Variants in MACROD2 observed in about 807,000 individuals in gnomAD.
MACROD2 encodes mono-ADP ribosylhydrolase 2.
In MACROD2, 36 loss-of-function variants were observed where a neutral mutation model predicts 70.4. The observed-to-expected ratio is 0.51, with a 90% CI of 0.39 to 0.68. The LOEUF (loss-of-function observed/expected upper bound fraction) is 0.68, where lower values mean the gene tolerates loss of function less well. MACROD2 is among the 30% of genes least tolerant of loss of function. MACROD2 has a pLI of 0.00. For missense variants in MACROD2, 496 were observed against 538.4 expected, an observed-to-expected ratio of 0.92 and a Z score of 0.78; for synonymous variants, 172 against 178.8, an observed-to-expected ratio of 0.96 and a Z score of 0.30.
intron 3 of MACROD2, among the ~76,000 whole-genome samples, chr20:14,446,599 T>G (rs1392218240): frequency 6.6e-6 from 1 of 152,110 alleles, no homozygotes; most frequent in African/African-American, 2.4e-5. Context: ...CTCCAATTCT[T>G]AACCAGAATG....
chr20:15,929,919 G>A (rs79320623), intron 10 of MACROD2, among the ~76,000 whole-genome samples: 209 of 152,292 alleles, frequency 1.4e-3, no homozygotes, highest in African/African-American at 4.9e-3. Context: ...GGAGAAATTA[G>A]AAGGACACAA....
In MACROD2 at chr20:15,788,161, C is replaced by T. The variant is rs190766867; in HGVS notation, c.646-74584C>T. Among the ~76,000 whole-genome samples, 916 of 151,036 alleles carry T rather than the reference C, an allele frequency of 6.1e-3. 5 individuals carry two copies. The highest frequency in any genetic ancestry group is 9.8e-3 in the Non-Finnish European group (665 of 67,818). ...GTAAAGTCACTGGAATCATCGATTCCATTTAGATTCCAGTAGCTTAGACAA... is the reference window on the plus strand; with the variant it reads ...GTAAAGTCACTGGAATCATCGATTCTATTTAGATTCCAGTAGCTTAGACAA... On this transcript the variant is annotated intron_variant, in intron 8 of 17. Coordinates refer to ENST00000684519, the MANE Select transcript of MACROD2 (RefSeq NM_001351661.2).
At chr20:15,244,584 C>G (rs570320209) in intron 6 of MACROD2, among the ~76,000 whole-genome samples, 5 of 152,120 alleles carry the variant, frequency 3.3e-5, no homozygotes, top group Non-Finnish European at 7.4e-5. Context: ...ACACTTCTTT[C>G]CCTCTCACTA....
At position 15,160,877 on chromosome 20, in the gene MACROD2, A is replaced by G. The variant is rs997021017; in HGVS notation, c.419-69063A>G. On this transcript the variant is annotated intron_variant, in intron 5 of 17. Coordinates refer to ENST00000684519, the MANE Select transcript of MACROD2 (RefSeq NM_001351661.2). ...ATTTGAGCAGATGATAGCTAATTCCATGTGCCCAGAACCTATCTTTGTAAA... is the reference window on the plus strand; with the variant it reads ...ATTTGAGCAGATGATAGCTAATTCCGTGTGCCCAGAACCTATCTTTGTAAA... 4.6e-5 allele frequency among the ~76,000 whole-genome samples: 7 copies of G among 152,248 alleles called. No homozygotes were observed. The South Asian group carries it at 1.0e-3, about 23-fold the overall frequency.
intron 3 of MACROD2, among the ~76,000 whole-genome samples, chr20:14,247,912 A>T (rs1388131828): frequency 1.3e-5 from 2 of 151,738 alleles, no homozygotes; most frequent in African/African-American, 4.9e-5. Context: ...TTTCTTACCT[A>T]AAAAAAATGC....
chr20:16,011,322 A>G (rs543816160), intron 15 of MACROD2, among the ~76,000 whole-genome samples: 1 of 152,356 alleles, frequency 6.6e-6, no homozygotes, highest in African/African-American at 2.4e-5. Context: ...CCACTGTTCT[A>G]GAATGAGCCA....
intron 4 of MACROD2, among the ~76,000 whole-genome samples, chr20:14,598,413 G>C (rs1016177964): frequency 5.3e-5 from 8 of 151,912 alleles, no homozygotes; most frequent in African/African-American, 1.9e-4. Context: ...ATTATTTCAG[G>C]AGAGTTGAAT....
intron 5 of MACROD2, among the ~76,000 whole-genome samples, chr20:14,937,478 A>G (rs777303369): frequency 6.6e-6 from 1 of 152,174 alleles, no homozygotes; most frequent in Non-Finnish European, 1.5e-5. Flanking sequence ...ACAAAGACTT[A>G]TCTTATCACA....
At chr20:14,230,644 T>C (rs1437741294) in intron 3 of MACROD2, among the ~76,000 whole-genome samples, 9 of 67,644 alleles carry the variant, frequency 1.3e-4, no homozygotes, top group East Asian at 6.7e-4. Flanking sequence ...TATATATATA[T>C]ATATATATAT....
chr20:14,191,451 T>G (rs79230095), intron 3 of MACROD2, among the ~76,000 whole-genome samples: 1,936 of 152,284 alleles, frequency 0.013, 16 homozygotes, highest in South Asian at 0.036. Flanking sequence ...ATTCAATAAA[T>G]ATTTAAGTAG....
intron 6 of MACROD2, among the ~76,000 whole-genome samples, chr20:15,307,608 G>T (rs183002724): frequency 1.0e-3 from 155 of 152,146 alleles, no homozygotes; most frequent in African/African-American, 3.6e-3. Context: ...ATATTTCACT[G>T]TATATTAAGA....
chr20:16,002,593 C>T (rs781188360), intron 15 of MACROD2, among the ~76,000 whole-genome samples: 1 of 151,900 alleles, frequency 6.6e-6, no homozygotes, highest in East Asian at 1.9e-4. Context: ...AGGAAGGAGG[C>T]GATGAAACAA....
intron 3 of MACROD2, among the ~76,000 whole-genome samples, chr20:14,093,277 G>A (rs934398465): frequency 1.3e-5 from 2 of 151,296 alleles, no homozygotes; most frequent in Non-Finnish European, 2.9e-5. Flanking sequence ...TGTAGAGACA[G>A]CATCCTGCTA....
chr20:15,442,471 G>T (rs993035251), intron 7 of MACROD2, among the ~76,000 whole-genome samples: 2 of 152,064 alleles, frequency 1.3e-5, no homozygotes, highest in Non-Finnish European at 2.9e-5. Context: ...CTTCCCGAAG[G>T]TATTGGTCTC....
chr20:15,521,039 A>G (rs2146529729), intron 8 of MACROD2, among the ~76,000 whole-genome samples: 1 of 152,298 alleles, frequency 6.6e-6, no homozygotes, highest in East Asian at 1.9e-4. Context: ...GAACAAATAT[A>G]TAATTAGACA....
At chr20:15,888,110 CT>C (rs1305362529) in intron 10 of MACROD2, among the ~76,000 whole-genome samples, 1 of 152,126 alleles carries the variant, frequency 6.6e-6, no homozygotes, top group African/African-American at 2.4e-5. Flanking sequence ...CTAAAATCAT[CT>C]CTCAAATTAA....
At chr20:14,499,899 T>C (rs966207094) in intron 4 of MACROD2, among the ~76,000 whole-genome samples, 4 of 152,186 alleles carry the variant, frequency 2.6e-5, no homozygotes, top group African/African-American at 7.2e-5. Flanking sequence ...GTAAGATTCT[T>C]AGAACTAAGT....
intron 10 of MACROD2, among the ~76,000 whole-genome samples, chr20:15,913,868 G>A (rs983585499): frequency 6.6e-6 from 1 of 152,280 alleles, no homozygotes; most frequent in Middle Eastern, 3.4e-3. Flanking sequence ...TAAATACTAG[G>A]CACTCAGTAA....
intron 15 of MACROD2, among the ~76,000 whole-genome samples, chr20:16,037,959 A>G (rs1313572788): frequency 6.6e-6 from 1 of 151,718 alleles, no homozygotes; most frequent in African/African-American, 2.4e-5. Flanking sequence ...AGGGGAAACT[A>G]TTTCTTCAGC....
Sources: allele counts gnomAD v4.1 joint callset (sites outside exome capture counted in the v4.1 genomes callset), GRCh38; gene constraint gnomAD v4.1.1; transcripts MANE v1.5; gene names NCBI Gene and HGNC (gene_info 2026-07-23, HGNC 2026-07-21).